NLGN4X: variants seen among roughly 807,000 people sequenced by gnomAD.
NLGN4X encodes neuroligin 4 X-linked, also known as neuroligin-4, X-linked.
In NLGN4X, 3 loss-of-function variants were observed where a neutral mutation model predicts 40.3. The observed-to-expected ratio is 0.07, with a 90% CI of 0.03 to 0.19. The LOEUF (loss-of-function observed/expected upper bound fraction) is 0.19. Ranked by LOEUF, NLGN4X falls within the 10% of genes least tolerant of loss-of-function variation. The pLI is 1.00. For synonymous variants in NLGN4X, 270 were observed against 306.8 expected, an observed-to-expected ratio of 0.88 and a Z score of 1.25; for missense variants, 382 against 708.3, an observed-to-expected ratio of 0.54 and a Z score of 5.23.
At chrX:6,157,768 C>T (rs116375945) in intron 1 of NLGN4X, among the ~76,000 whole-genome samples, 165 of 111,512 alleles carry the variant, frequency 1.5e-3, no homozygotes, top group African/African-American at 5.0e-3. Context: ...ATCTCATCAG[C>T]TCCAAAGGCC....
intron 5 of NLGN4X, among the ~76,000 whole-genome samples, chrX:5,894,814 TA>T (rs1340048367): frequency 8.9e-6 from 1 of 112,401 alleles, no homozygotes; most frequent in Non-Finnish European, 1.9e-5. Flanking sequence ...GTTTATTTGT[TA>T]TAAAAACGAT....
At chrX:6,020,605 T>C (rs2036504555) in intron 3 of NLGN4X, among the ~76,000 whole-genome samples, 2 of 112,070 alleles carry the variant, frequency 1.8e-5, no homozygotes, top group African/African-American at 6.5e-5. Context: ...TTTTAAGTGT[T>C]TGCACCAGAA....
intron 3 of NLGN4X, among the ~76,000 whole-genome samples, chrX:5,932,996 G>C (rs2033606423): frequency 9.0e-6 from 1 of 110,908 alleles, no homozygotes; most frequent in Admixed American, 9.7e-5. Flanking sequence ...AGCTATGAAT[G>C]AATAGGAATC....
At chrX:5,972,319 G>A (rs941198743) in intron 3 of NLGN4X, among the ~76,000 whole-genome samples, 2 of 111,059 alleles carry the variant, frequency 1.8e-5, no homozygotes, top group Non-Finnish European at 3.8e-5. Flanking sequence ...TAAATAATTT[G>A]CAATGTGTAC....
chrX:6,022,634 C>A (rs2036586657), intron 3 of NLGN4X, among the ~76,000 whole-genome samples: 1 of 111,742 alleles, frequency 8.9e-6, no homozygotes, highest in Admixed American at 9.5e-5. Flanking sequence ...GGCTGTAACT[C>A]TTGGGAAGAA....
chrX:5,964,962 G>A (rs147914013), intron 3 of NLGN4X, among the ~76,000 whole-genome samples: 3 of 112,085 alleles, frequency 2.7e-5, no homozygotes, highest in Admixed American at 9.5e-5. Flanking sequence ...TATAAAATAT[G>A]AGCTTTCCCT....
chrX:5,956,823 G>C (rs758125738), intron 3 of NLGN4X, among the ~76,000 whole-genome samples: 8 of 112,220 alleles, frequency 7.1e-5, no homozygotes, highest in Non-Finnish European at 1.5e-4. Flanking sequence ...CTGATCTGTT[G>C]TCCTCTTGTT....
intron 3 of NLGN4X, among the ~76,000 whole-genome samples, chrX:5,928,227 T>C (rs1206381027): frequency 1.8e-5 from 2 of 112,701 alleles, no homozygotes; most frequent in Non-Finnish European, 3.7e-5. Flanking sequence ...ATCCTAGGCT[T>C]ATCTTCCAAA....
chrX:6,119,874 A>T (rs1366720382), intron 2 of NLGN4X, among the ~76,000 whole-genome samples: 1 of 111,561 alleles, frequency 9.0e-6, no homozygotes, highest in African/African-American at 3.3e-5. Context: ...TTATATTTAT[A>T]TTACTATTGA....
chrX:6,050,055 A>T (rs901341940), intron 2 of NLGN4X, among the ~76,000 whole-genome samples: 13 of 111,938 alleles, frequency 1.2e-4, no homozygotes, highest in Admixed American at 2.8e-4. Flanking sequence ...CAGAGAATCT[A>T]TCTTTCTCCC....
At chrX:6,107,304 TC>T (rs927377877) in intron 2 of NLGN4X, among the ~76,000 whole-genome samples, 2 of 111,523 alleles carry the variant, frequency 1.8e-5, no homozygotes, top group African/African-American at 6.5e-5. Context: ...TTTCTTGATT[TC>T]CTGAAGTTTC....
intron 2 of NLGN4X, among the ~76,000 whole-genome samples, chrX:6,132,453 G>A (rs979141677): frequency 8.1e-5 from 9 of 111,137 alleles, no homozygotes; most frequent in African/African-American, 2.6e-4. Context: ...TGTGTGAGTC[G>A]TTCTTCTGCA....
At chrX:6,024,994 T>A (rs1313366309) in intron 3 of NLGN4X, among the ~76,000 whole-genome samples, 3 of 111,829 alleles carry the variant, frequency 2.7e-5, no homozygotes, top group African/African-American at 9.8e-5. Context: ...TGCACGAGAA[T>A]CAAGAACCCT....
intron 3 of NLGN4X, among the ~76,000 whole-genome samples, chrX:6,015,314 A>G (rs2036365920): frequency 2.7e-5 from 3 of 111,671 alleles, no homozygotes; most frequent in Admixed American, 1.9e-4. Flanking sequence ...AACCACTACT[A>G]CATCTTCCTT....
intron 3 of NLGN4X, among the ~76,000 whole-genome samples, chrX:5,977,190 T>A (rs1221516930): frequency 8.9e-6 from 1 of 112,153 alleles, no homozygotes; most frequent in Non-Finnish European, 1.9e-5. Flanking sequence ...ATTCTTTTTT[T>A]CAGTTCAAGA....
chrX:5,943,193 G>A (rs2034006429), intron 3 of NLGN4X, among the ~76,000 whole-genome samples: 1 of 111,393 alleles, frequency 9.0e-6, no homozygotes, highest in Non-Finnish European at 1.9e-5. Context: ...GGGGAGGAAG[G>A]AGGCCAGGAG....
intron 3 of NLGN4X, among the ~76,000 whole-genome samples, chrX:5,978,173 T>C (rs1434919670): frequency 8.9e-6 from 1 of 112,357 alleles, no homozygotes; most frequent in Non-Finnish European, 1.9e-5. Flanking sequence ...AAAATCAATT[T>C]AATTGACACT....
rs116454316 is a variant in NLGN4X, at chrX:6,120,552, G to T, written c.472+30443C>A. 4.0e-3 allele frequency among the ~76,000 whole-genome samples: 448 copies of T among 111,846 alleles called. 5 individuals are homozygous for T. Among genetic ancestry groups the T allele is most frequent in the African/African-American group, 0.014 (420 of 30,759 alleles). On this transcript the variant is annotated intron_variant, in intron 2 of 5. Transcript: ENST00000381095. ...CCTCACAACAGCCCCGTTGAGGTAG[G>T]TGTTATTCTTAGTCCCTGTCTGCCC...
chrX:5,932,615 A>G, intron 3 of NLGN4X, among the ~76,000 whole-genome samples: 1 of 111,866 alleles, frequency 8.9e-6, no homozygotes, highest in South Asian at 3.7e-4. Context: ...TAGGTATAGA[A>G]TAAATAATAG....
Sources: allele counts gnomAD v4.1 joint callset (sites outside exome capture counted in the v4.1 genomes callset), GRCh38; gene constraint gnomAD v4.1.1; transcripts MANE v1.5; gene names NCBI Gene and HGNC (gene_info 2026-07-23, HGNC 2026-07-21).